The following HOGA1 variants were observed in gnomAD, a reference collection of about 807,000 sequenced individuals.
HOGA1 encodes 4-hydroxy-2-oxoglutarate aldolase, mitochondrial.
A neutral mutation model predicts 34.3 loss-of-function variants in HOGA1; 30 were observed. The ratio of observed to expected loss-of-function variants is 0.87; its 90% CI spans 0.65 to 1.19. The LOEUF is 1.19. Among genes scored for constraint, HOGA1 ranks in the 50% most tolerant of loss-of-function variants. The pLI is 0.00. For missense variants in HOGA1, 417 were observed against 436.5 expected, an observed-to-expected ratio of 0.96 and a Z score of 0.40; for synonymous variants, 161 against 174.0, an observed-to-expected ratio of 0.93 and a Z score of 0.59.
chr10:97,611,585 GC>G lies in HOGA1; in HGVS notation c.915del (p.Leu306CysfsTer4). On this transcript the variant is annotated frameshift_variant, in exon 7 of 7. Coordinates refer to ENST00000370646, the MANE Select transcript of HOGA1 (RefSeq NM_138413.4). LOFTEE classifies it high-confidence loss of function. ...TGGCTACTATGGAGGCCCCTGCCGC[GC>G]CCCCTTGCAGGAGCTGAGCCCCGCT... Reference protein sequence around the residue: ...WFGYYGGPCRAPLQELSPAEE... With the variant: ...WFGYYGGPCRXPLQELSPAEE... 1 of 1,614,180 alleles carries G rather than the reference GC, an allele frequency of 6.2e-7. No individual in the cohort carries two copies. The highest frequency in any genetic ancestry group is 8.5e-7 in the Non-Finnish European group (1 of 1,180,030).
chr10:97,606,392 A>C (rs1175962281), intron 6 of HOGA1, among the ~76,000 whole-genome samples: 1 of 151,964 alleles, frequency 6.6e-6, no homozygotes, highest in Non-Finnish European at 1.5e-5. Flanking sequence ...TATGTTTTAT[A>C]AGTCTGTGAC....
At chr10:97,601,738 G>T in intron 5 of HOGA1, 119 bp from the exon 6 acceptor site, 1 of 1,226,746 alleles carries the variant, frequency 8.2e-7, no homozygotes, top group Non-Finnish European at 1.2e-6. Context: ...GATGTAGCCA[G>T]CCAAGTGACA....
intron 6 of HOGA1, chr10:97,602,756 G>C (rs1316074655): frequency 4.3e-6 from 1 of 234,102 alleles, no homozygotes; most frequent in African/African-American, 2.3e-5. Context: ...TCTCAGCTCA[G>C]TGCAACCTCT....
intron 5 of HOGA1, among the ~76,000 whole-genome samples, chr10:97,601,221 C>T (rs762154621): frequency 1.3e-5 from 2 of 152,200 alleles, no homozygotes; most frequent in Admixed American, 1.3e-4. Flanking sequence ...CCTAGGGTTC[C>T]ACTCCTATCT....
At chr10:97,600,301 G>T (rs1000706512) in intron 5 of HOGA1, 138 bp downstream of exon 5, 3 of 762,210 alleles carry the variant, frequency 3.9e-6, no homozygotes, top group Non-Finnish European at 7.0e-6. Context: ...TGAAAACTCA[G>T]AAACCTGGCC....
At chr10:97,599,292 G>A (rs779013141) in intron 3 of HOGA1, 76 bp downstream of exon 3, 1 of 1,563,402 alleles carries the variant, frequency 6.4e-7, no homozygotes, top group Non-Finnish European at 8.8e-7. Context: ...ATAGGGTGGT[G>A]CTTCACATGA....
chr10:97,603,487 C>T lies in HOGA1; in HGVS notation c.834+1497C>T, dbSNP rs1028066144. 3.9e-5 allele frequency among the ~76,000 whole-genome samples: 6 copies of T among 152,166 alleles called. No homozygotes were observed. The highest frequency in any genetic ancestry group is 3.9e-4 in the Admixed American group (6 of 15,280). ...AAGCAGTCCTCCCACCTCAGCCTCC[C>T]AAAATGCTGAGATTACAGGCATGAG... On this transcript the variant is annotated intron_variant, in intron 6 of 6. Transcript: ENST00000370646. The surrounding 1 kb of genome is among the most constrained non-coding windows in gnomAD (Gnocchi z 4.5).
intron 1 of HOGA1, among the ~76,000 whole-genome samples, chr10:97,585,401 T>C (rs1249015306): frequency 6.6e-6 from 1 of 152,364 alleles, no homozygotes; most frequent in African/African-American, 2.4e-5. Context: ...TTGTGGCTCC[T>C]GTGACCCCAT....
intron 1 of HOGA1, among the ~76,000 whole-genome samples, chr10:97,593,525 G>C (rs534982626): frequency 3.3e-5 from 5 of 152,174 alleles, no homozygotes; most frequent in Admixed American, 3.3e-4. Flanking sequence ...TCACAAAAAT[G>C]CTTAAGCATT....
At chr10:97,588,370 TG>T (rs66469381) in intron 1 of HOGA1, among the ~76,000 whole-genome samples, 32,169 of 150,690 alleles carry the variant, frequency 0.21, 3,872 homozygotes, top group Non-Finnish European at 0.28. Flanking sequence ...GCTAATTTTT[TG>T]TGTGTGTGTG....
In HOGA1 at chr10:97,590,176, C is replaced by G. The variant is rs764976061; in HGVS notation, c.211+5262C>G. The G allele has an allele frequency of 1.9e-6, 3 of 1,614,064 alleles. No homozygotes were observed. In the South Asian group the frequency reaches 3.3e-5, roughly 18 times the overall value. ...TGGGCTCCGCTCTGCACCGGGAATC[C>G]TTCACCAGCAGGCAGAAGACATCTG... On this transcript the variant is annotated intron_variant, in intron 1 of 6. Coordinates refer to ENST00000370646, the MANE Select transcript of HOGA1 (RefSeq NM_138413.4).
intron 6 of HOGA1, among the ~76,000 whole-genome samples, chr10:97,609,575 A>G (rs2041181153): frequency 6.6e-6 from 1 of 151,480 alleles, no homozygotes; most frequent in African/African-American, 2.4e-5. Context: ...GCTTGATGTC[A>G]CTCTATTGCC....
intron 6 of HOGA1, 32 bp downstream of exon 6, chr10:97,602,022 C>CG (rs755058103): frequency 2.5e-6 from 4 of 1,592,268 alleles, no homozygotes; most frequent in African/African-American, 2.7e-5. Context: ...CGCGGCCTGG[C>CG]GGGGGGTGGG....
At chr10:97,598,475 C>A (rs1471883651) in intron 1 of HOGA1, among the ~76,000 whole-genome samples, 1 of 152,204 alleles carries the variant, frequency 6.6e-6, no homozygotes. Context: ...AGCTTAATTC[C>A]ATTTCTACAA....
rs1320636902 is a variant in HOGA1 at position 97,585,046 on chromosome 10, G to A, written c.211+132G>A. On this transcript the variant is annotated intron_variant, in intron 1 of 6. Coordinates refer to ENST00000370646, the MANE Select transcript of HOGA1 (RefSeq NM_138413.4). ...GTACTCAGTGGGTCATTTTATTATG[G>A]GAGAGGAACAGGGGAGACTGGTCTG... 1.2e-5 allele frequency: 9 copies of A among 743,192 alleles called. No homozygotes were observed. The East Asian group carries it at 2.4e-4, about 20-fold the overall frequency. 46.0% of individuals were successfully genotyped at this position (743,192 alleles called of 1,614,324 possible).
At chr10:97,596,499 G>A (rs916778084) in intron 1 of HOGA1, among the ~76,000 whole-genome samples, 4 of 152,150 alleles carry the variant, frequency 2.6e-5, no homozygotes, top group Non-Finnish European at 4.4e-5. Flanking sequence ...GAGGGTGCTG[G>A]TCCAATCGTA....
intron 1 of HOGA1, among the ~76,000 whole-genome samples, chr10:97,594,161 G>A (rs1318021682): frequency 1.4e-5 from 2 of 143,642 alleles, no homozygotes; most frequent in African/African-American, 2.6e-5. Flanking sequence ...GAGCCACTGC[G>A]CCTGGTCTTT....
intron 5 of HOGA1, 40 bp from the exon 6 acceptor site, chr10:97,601,817 G>A: frequency 6.2e-7 from 1 of 1,611,730 alleles, no homozygotes; most frequent in Non-Finnish European, 8.5e-7. Flanking sequence ...GCCTGGAGGG[G>A]AGAGGCTCTG....
chr10:97,608,279 C>A (rs149939028), intron 6 of HOGA1, among the ~76,000 whole-genome samples: 151 of 152,106 alleles, frequency 9.9e-4, no homozygotes, highest in Middle Eastern at 6.8e-3. Context: ...CCACTTCACT[C>A]CAGCCTGGAC....
Sources: allele counts gnomAD v4.1 joint callset (sites outside exome capture counted in the v4.1 genomes callset), GRCh38; gene constraint gnomAD v4.1.1; non-coding constraint Gnocchi (gnomAD v3.1); transcripts MANE v1.5; gene names NCBI Gene and HGNC (gene_info 2026-07-23, HGNC 2026-07-21).